Variants in NTM observed in about 807,000 individuals in gnomAD.
NTM encodes IgLON family member 2.
Under a neutral mutation model 42.1 loss-of-function variants are expected in NTM, and 13 were observed. The ratio of observed to expected loss-of-function variants is 0.31; its 90% CI spans 0.20 to 0.49. The LOEUF (loss-of-function observed/expected upper bound fraction) is 0.49, where lower values mean the gene tolerates loss of function less well. NTM is among the 20% of genes least tolerant of loss of function. The pLI is 0.99. For synonymous variants in NTM, 187 were observed against 179.2 expected (o/e 1.04, Z -0.35); for missense variants, 373 against 452.8 (o/e 0.82, Z 1.60).
intron 1 of NTM, among the ~76,000 whole-genome samples, chr11:131,512,626 C>A (rs1350785215): frequency 6.6e-6 from 1 of 152,218 alleles, no homozygotes; most frequent in East Asian, 1.9e-4. Context: ...CAGACTCAGC[C>A]CAGTTCTGAG....
intron 2 of NTM, among the ~76,000 whole-genome samples, chr11:132,093,843 T>C (rs2060643876): frequency 6.6e-6 from 1 of 152,174 alleles, no homozygotes; most frequent in African/African-American, 2.4e-5. Context: ...TCTCAAAATA[T>C]ATGTATTTAT....
intron 2 of NTM, among the ~76,000 whole-genome samples, chr11:131,931,589 G>A (rs2075820330): frequency 6.6e-6 from 1 of 151,790 alleles, no homozygotes; most frequent in African/African-American, 2.4e-5. Context: ...GTAGGGCGTT[G>A]CACTAGGTGA....
At chr11:131,606,040 T>TTTTG (rs747513629) in intron 1 of NTM, 4 of 247,604 alleles carry the variant, frequency 1.6e-5, no homozygotes, top group African/African-American at 9.3e-5. Context: ...CTGCTGTGTT[T>TTTTG]TTTGTTTGTT....
At chr11:131,596,032 T>C (rs900089563) in intron 1 of NTM, among the ~76,000 whole-genome samples, 2 of 152,236 alleles carry the variant, frequency 1.3e-5, no homozygotes, top group South Asian at 2.1e-4. Context: ...TGAGTCCTCA[T>C]CAACATTTGC....
intron 4 of NTM, among the ~76,000 whole-genome samples, chr11:132,248,860 G>A (rs1226539865): frequency 6.6e-6 from 1 of 152,222 alleles, no homozygotes; most frequent in Non-Finnish European, 1.5e-5. Flanking sequence ...TCTCTCCTCA[G>A]CTGGATGGGC....
At chr11:132,131,801 C>T (rs137858254) in intron 2 of NTM, among the ~76,000 whole-genome samples, 5 of 152,226 alleles carry the variant, frequency 3.3e-5, no homozygotes, top group Admixed American at 2.0e-4. Flanking sequence ...AAGAGGGTTG[C>T]GTGTGGGACC....
At position 132,234,210 on chromosome 11, in the gene NTM, G is replaced by C. The variant is rs1449329822; in HGVS notation, c.526+22063G>C. Reference sequence around the variant, plus strand: ...TGGTTCTGGTTCTATCTATGGGGAAGTTTGTTTTTGGATAGTGGCACTGGT... The same window carrying C: ...TGGTTCTGGTTCTATCTATGGGGAACTTTGTTTTTGGATAGTGGCACTGGT... On this transcript the variant is annotated intron_variant, in intron 4 of 8. Coordinates refer to ENST00000683400, the MANE Select transcript of NTM (RefSeq NM_001352005.2). 2.6e-5 allele frequency among the ~76,000 whole-genome samples: 4 copies of C among 152,326 alleles called. No individual in the cohort carries two copies. In the South Asian group the frequency reaches 8.3e-4, roughly 32 times the overall value.
chr11:131,690,743 C>T lies in NTM; in HGVS notation c.83-220821C>T, dbSNP rs1399000087. ...CGTGGGTGCTAAGCGTAGGCCGTGG[C>T]CCACATCCTTGGGGAACAAAATGGG... On this transcript the variant is annotated intron_variant, in intron 1 of 8. Coordinates refer to ENST00000683400, the MANE Select transcript of NTM (RefSeq NM_001352005.2). Among the ~76,000 whole-genome samples the T allele has an allele frequency of 2.0e-5, 3 of 152,212 alleles. No homozygotes were observed. The East Asian group carries it at 5.8e-4, about 29-fold the overall frequency.
At position 131,370,804 on chromosome 11, in the gene NTM, A is replaced by G. The variant is rs771072920; in HGVS notation, c.-3A>G. On this transcript the variant is annotated 5_prime_UTR_variant, in exon 1 of 9. Coordinates refer to ENST00000683400, the MANE Select transcript of NTM (RefSeq NM_001352005.2). ...AAGAAGAAAAAGAAGAAGAAAAAAAATCATGAAAACCATCCAGCCAAAAAT... is the reference window on the plus strand; with the variant it reads ...AAGAAGAAAAAGAAGAAGAAAAAAAGTCATGAAAACCATCCAGCCAAAAAT... 1.2e-6 allele frequency: 2 copies of G among 1,611,262 alleles called. No homozygotes were observed. Among genetic ancestry groups the G allele is most frequent in the Non-Finnish European group, 1.7e-6 (2 of 1,179,218 alleles).
In NTM at chr11:132,336,670, T is replaced by C. The variant is rs1188959633; in HGVS notation, c.*1524T>C. The C allele has an allele frequency of 6.8e-6, 1 of 147,462 alleles. No homozygotes were observed. Among genetic ancestry groups the C allele is most frequent in the Non-Finnish European group, 1.5e-5 (1 of 67,142 alleles). The allele number at this position is 147,462 out of a possible 1,614,324, so 9.1% of individuals were successfully genotyped here. A position where few individuals can be genotyped will look rare whatever the true frequency, so the allele number is the denominator to read the frequency against. On this transcript the variant is annotated 3_prime_UTR_variant, in exon 9 of 9. Transcript: ENST00000683400. ...AGAAGAAAATGCAATTTTTAGGTAA[T>C]CTTTTTTTTTTTTCCCCTCCCCTGA...
intron 1 of NTM, among the ~76,000 whole-genome samples, chr11:131,669,984 C>T (rs1017959576): frequency 2.6e-5 from 4 of 152,130 alleles, no homozygotes; most frequent in African/African-American, 9.7e-5. Context: ...CAGGTGGCGT[C>T]CGATTGAAGC....
chr11:131,446,928 G>A (rs1950102750), intron 1 of NTM, among the ~76,000 whole-genome samples: 1 of 152,212 alleles, frequency 6.6e-6, no homozygotes, highest in Non-Finnish European at 1.5e-5. Context: ...AGGAGAGGCT[G>A]ATGGAAAGCA....
intron 1 of NTM, among the ~76,000 whole-genome samples, chr11:131,574,185 C>G (rs887518309): frequency 6.6e-6 from 1 of 152,074 alleles, no homozygotes; most frequent in East Asian, 1.9e-4. Context: ...TCCAAATAAT[C>G]TTTAAATGCC....
At chr11:131,593,491 A>C (rs1055946479) in intron 1 of NTM, among the ~76,000 whole-genome samples, 2 of 152,174 alleles carry the variant, frequency 1.3e-5, no homozygotes, top group Non-Finnish European at 2.9e-5. Context: ...TGGATCTCAA[A>C]CAAGCCAAGT....
chr11:132,088,462 A>G (rs1429600851), intron 2 of NTM, among the ~76,000 whole-genome samples: 2 of 152,204 alleles, frequency 1.3e-5, no homozygotes, highest in Non-Finnish European at 2.9e-5. Context: ...ACATGGACAC[A>G]CTGAAAGGTG....
chr11:131,966,125 A>T (rs1321540463), intron 2 of NTM, among the ~76,000 whole-genome samples: 1 of 152,180 alleles, frequency 6.6e-6, no homozygotes, highest in African/African-American at 2.4e-5. Context: ...TTTGTGTGAT[A>T]AAAAAATGAC....
intron 1 of NTM, among the ~76,000 whole-genome samples, chr11:131,669,123 C>T (rs1181784855): frequency 6.6e-6 from 1 of 152,062 alleles, no homozygotes; most frequent in Non-Finnish European, 1.5e-5. Flanking sequence ...TCAGGGCTGT[C>T]CACTCTAGTC....
At chr11:131,542,910 C>A (rs140242306) in intron 1 of NTM, among the ~76,000 whole-genome samples, 58 of 152,284 alleles carry the variant, frequency 3.8e-4, no homozygotes, top group African/African-American at 1.3e-3. Context: ...CTGACCTACA[C>A]CCAGATCCTC....
chr11:131,421,015 C>G (rs894249251), intron 1 of NTM, among the ~76,000 whole-genome samples: 2 of 152,056 alleles, frequency 1.3e-5, no homozygotes, highest in Non-Finnish European at 2.9e-5. Context: ...TCATCCCAAG[C>G]AGATGGAGTG....
Sources: allele counts gnomAD v4.1 joint callset (sites outside exome capture counted in the v4.1 genomes callset), GRCh38; gene constraint gnomAD v4.1.1; transcripts MANE v1.5; gene names NCBI Gene and HGNC (gene_info 2026-07-23, HGNC 2026-07-21).